Variants in SMIM41 observed in about 807,000 individuals in gnomAD.
SMIM41 encodes the protein small integral membrane protein 41.
chr12:52,087,716 T>C (rs1403729745), intron 2 of SMIM41: 1 of 152,108 alleles, frequency 6.6e-6, no homozygotes, highest in Non-Finnish European at 1.5e-5. Flanking sequence ...CTTAGGAAAA[T>C]GAGATAGTGA....
At chr12:52,090,847 TC>T (rs1939989391) in intron 2 of SMIM41, among the ~76,000 whole-genome samples, 1 of 152,148 alleles carries the variant, frequency 6.6e-6, no homozygotes, top group Admixed American at 6.5e-5. Context: ...GGCAGCTTCT[TC>T]TTGAATACAG....
In SMIM41 at chr12:52,080,080, T is replaced by C; in HGVS notation, c.*19T>C. On this transcript the variant is annotated 3_prime_UTR_variant, in exon 1 of 3. Coordinates refer to ENST00000546390, the MANE Select transcript of SMIM41 (RefSeq NM_001369216.1). ...CTCCTAGGCGCCCGGCTGCGCTCGGTGGTCGCGGCCTCCAGGCAGCCCCTG... is the reference window on the plus strand; with the variant it reads ...CTCCTAGGCGCCCGGCTGCGCTCGGCGGTCGCGGCCTCCAGGCAGCCCCTG... The C allele has an allele frequency of 2.8e-6, 1 of 356,602 alleles. No homozygotes were observed. Among genetic ancestry groups the C allele is most frequent in the Non-Finnish European group, 5.0e-6 (1 of 198,708 alleles). The allele number at this position is 356,602 out of a possible 1,614,324, so 22.1% of individuals were successfully genotyped here.
At chr12:52,088,902 A>G (rs2120664382) in intron 2 of SMIM41, among the ~76,000 whole-genome samples, 1 of 151,746 alleles carries the variant, frequency 6.6e-6, no homozygotes, top group South Asian at 2.1e-4. Flanking sequence ...CACCATCTCC[A>G]GTCTTCTGGG....
At chr12:52,101,166 T>C (rs531423357) in intron 2 of SMIM41, among the ~76,000 whole-genome samples, 37 of 152,284 alleles carry the variant, frequency 2.4e-4, no homozygotes, top group Non-Finnish European at 4.6e-4. Context: ...CTCAGGCCTG[T>C]AATCCTAGCA....
intron 2 of SMIM41, among the ~76,000 whole-genome samples, chr12:52,096,027 C>A (rs1191167771): frequency 6.6e-6 from 1 of 151,964 alleles, no homozygotes; most frequent in Non-Finnish European, 1.5e-5. Flanking sequence ...ATCAGCCTCT[C>A]CTCTCCATGG....
At chr12:52,102,988 G>T (rs111987112) in intron 2 of SMIM41, among the ~76,000 whole-genome samples, 4 of 151,414 alleles carry the variant, frequency 2.6e-5, no homozygotes, top group Non-Finnish European at 5.9e-5. Flanking sequence ...GAAAAAACAC[G>T]CTGCAGTGCA....
At chr12:52,082,396 C>T (rs112740826) in intron 1 of SMIM41, among the ~76,000 whole-genome samples, 3,570 of 152,030 alleles carry the variant, frequency 0.023, 62 homozygotes, top group South Asian at 0.071. Context: ...AACTTCCTCC[C>T]GTTGCTGTTC....
chr12:52,104,503 C>T (rs1940287297), intron 2 of SMIM41, among the ~76,000 whole-genome samples: 2 of 152,152 alleles, frequency 1.3e-5, no homozygotes, highest in Middle Eastern at 3.4e-3. Context: ...GTGGTCATGG[C>T]CCAGCAGAGG....
chr12:52,093,292 A>G (rs1457209053), intron 2 of SMIM41, among the ~76,000 whole-genome samples: 3 of 152,240 alleles, frequency 2.0e-5, no homozygotes, highest in Non-Finnish European at 4.4e-5. Flanking sequence ...AGGATGTTCA[A>G]TAGTTTCATA....
At chr12:52,082,968 A>T (rs1268673782) in intron 1 of SMIM41, among the ~76,000 whole-genome samples, 1 of 152,094 alleles carries the variant, frequency 6.6e-6, no homozygotes, top group African/African-American at 2.4e-5. Context: ...AGACTGGGAG[A>T]TACCTGGCTT....
In SMIM41 at chr12:52,108,246, C is replaced by A; in HGVS notation, c.*1063C>A. The A allele has an allele frequency of 5.9e-6, 1 of 170,658 alleles. No individual in the cohort carries two copies. The highest frequency in any genetic ancestry group is 1.2e-5 in the Non-Finnish European group (1 of 80,472). The allele number at this position is 170,658 out of a possible 1,614,324, so 10.6% of individuals were successfully genotyped here. On this transcript the variant is annotated 3_prime_UTR_variant, in exon 3 of 3. Transcript: ENST00000546390. ...GGATATTAAAAGTGTCTTGCGGCGG[C>A]CGCACGGCAGCACTGTCTAATCTCA...
chr12:52,107,585 C>T lies in SMIM41; in HGVS notation c.*402C>T. 1.4e-6 allele frequency: 1 copy of T among 692,764 alleles called. No individual in the cohort carries two copies. Among genetic ancestry groups the T allele is most frequent in the Non-Finnish European group, 2.6e-6 (1 of 381,508 alleles). The allele number at this position is 692,764 out of a possible 1,614,324, so 42.9% of individuals were successfully genotyped here. A position where few individuals can be genotyped will look rare whatever the true frequency, so the allele number is the denominator to read the frequency against. On this transcript the variant is annotated 3_prime_UTR_variant, in exon 3 of 3. Coordinates refer to ENST00000546390, the MANE Select transcript of SMIM41 (RefSeq NM_001369216.1). ...CGGTCCCCCAGATGACTGTGGACAT[C>T]CAGTCTCGCAGCAGAGTCATCTCCT... is the stretch of plus-strand genomic sequence containing the variant.
intron 2 of SMIM41, among the ~76,000 whole-genome samples, chr12:52,089,310 G>T (rs991090555): frequency 2.6e-5 from 4 of 152,046 alleles, no homozygotes; most frequent in African/African-American, 9.7e-5. Flanking sequence ...AAACCTGTAG[G>T]GGGGTCGGGT....
chr12:52,095,614 C>T (rs1300253015), intron 2 of SMIM41, among the ~76,000 whole-genome samples: 3 of 152,030 alleles, frequency 2.0e-5, no homozygotes, highest in Non-Finnish European at 2.9e-5. Context: ...TCACTGGGGG[C>T]GTGTCCACCC....
intron 2 of SMIM41, among the ~76,000 whole-genome samples, chr12:52,106,683 C>G (rs1291950033): frequency 3.3e-5 from 5 of 152,152 alleles, no homozygotes; most frequent in African/African-American, 1.2e-4. Context: ...AAGCTAAGGA[C>G]AGGAGTTATA....
At chr12:52,094,498 C>G (rs777552428) in intron 2 of SMIM41, among the ~76,000 whole-genome samples, 1 of 152,106 alleles carries the variant, frequency 6.6e-6, no homozygotes, top group African/African-American at 2.4e-5. Context: ...CCACTGTGCC[C>G]GGCCAACACA....
intron 2 of SMIM41, among the ~76,000 whole-genome samples, chr12:52,099,894 G>A (rs1336175380): frequency 1.3e-5 from 2 of 152,016 alleles, no homozygotes; most frequent in Non-Finnish European, 2.9e-5. Flanking sequence ...TCACAGTGGG[G>A]TGTACACCCT....
At chr12:52,101,054 G>A (rs1940208579) in intron 2 of SMIM41, among the ~76,000 whole-genome samples, 1 of 152,070 alleles carries the variant, frequency 6.6e-6, no homozygotes. Flanking sequence ...GAGATTACAG[G>A]TCTGTATATT....
At chr12:52,100,297 T>C (rs1940192648) in intron 2 of SMIM41, among the ~76,000 whole-genome samples, 1 of 151,918 alleles carries the variant, frequency 6.6e-6, no homozygotes, top group South Asian at 2.1e-4. Context: ...ATATTGGGAG[T>C]AATATCATCC....
Sources: allele counts gnomAD v4.1 joint callset (sites outside exome capture counted in the v4.1 genomes callset), GRCh38; gene constraint gnomAD v4.1.1; transcripts MANE v1.5; gene names NCBI Gene and HGNC (gene_info 2026-07-23, HGNC 2026-07-21).